The following BICD1 variants were observed in gnomAD, a reference collection of about 807,000 sequenced individuals.
BICD1 encodes BICD cargo adaptor 1.
Under a neutral mutation model 92.5 loss-of-function variants are expected in BICD1, and 35 were observed. The ratio of observed to expected loss-of-function variants is 0.38; its 90% confidence interval spans 0.29 to 0.50. The LOEUF (loss-of-function observed/expected upper bound fraction) is 0.50, where lower values mean the gene tolerates loss of function less well. Ranked by LOEUF, BICD1 falls within the 20% of genes least tolerant of loss-of-function variation. The pLI, the probability that BICD1 is intolerant of heterozygous loss-of-function variation, is 0.93. For synonymous variants in BICD1, 429 were observed against 465.1 expected (o/e 0.92, Z 1.00); for missense variants, 950 against 1,189.8 (o/e 0.80, Z 2.97).
chr12:32,373,551 G>A (rs1007255827), intron 9 of BICD1, among the ~76,000 whole-genome samples: 31 of 152,152 alleles, frequency 2.0e-4, no homozygotes, highest in Admixed American at 1.5e-3. Flanking sequence ...CAGCTGGTCA[G>A]GAAGAAATAT....
chr12:32,318,025 T>C (rs1210876752), intron 4 of BICD1, among the ~76,000 whole-genome samples: 2 of 151,976 alleles, frequency 1.3e-5, no homozygotes, highest in Middle Eastern at 3.2e-3. Flanking sequence ...TAGTTGTAGA[T>C]ATGCAGCATT....
intron 2 of BICD1, among the ~76,000 whole-genome samples, chr12:32,227,091 AGAGCC>A (rs1007165620): frequency 1.3e-5 from 2 of 152,174 alleles, no homozygotes; most frequent in African/African-American, 4.8e-5. Context: ...AGGTGGCTGG[AGAGCC>A]TCCTCCATGT....
chr12:32,225,191 G>A (rs1420100613), intron 2 of BICD1, among the ~76,000 whole-genome samples: 1 of 152,130 alleles, frequency 6.6e-6, no homozygotes, highest in Admixed American at 6.5e-5. Context: ...TTTCAGGAAT[G>A]TCATATAAGT....
intron 2 of BICD1, among the ~76,000 whole-genome samples, chr12:32,291,182 A>G (rs937859660): frequency 6.6e-6 from 1 of 152,228 alleles, no homozygotes; most frequent in African/African-American, 2.4e-5. Flanking sequence ...ACCATGTTCA[A>G]ATAGACAACT....
At chr12:32,245,479 G>C (rs1295021365) in intron 2 of BICD1, among the ~76,000 whole-genome samples, 1 of 152,210 alleles carries the variant, frequency 6.6e-6, no homozygotes, top group African/African-American at 2.4e-5. Flanking sequence ...AAAGCAAACA[G>C]TGTATTGAAT....
At chr12:32,373,070 T>C (rs1939800905) in intron 9 of BICD1, among the ~76,000 whole-genome samples, 1 of 152,168 alleles carries the variant, frequency 6.6e-6, no homozygotes, top group Non-Finnish European at 1.5e-5. Flanking sequence ...TTCTATCAAG[T>C]AGTTTTCTAC....
chr12:32,302,931 CTTTT>C (rs572736411), intron 3 of BICD1, among the ~76,000 whole-genome samples: 2 of 57,578 alleles, frequency 3.5e-5, no homozygotes, highest in Admixed American at 4.1e-4. Flanking sequence ...TAATGTATTT[CTTTT>C]TTTTTTTTTT....
chr12:32,306,103 T>TGAA lies in BICD1; in HGVS notation c.988_990dup (p.Lys330dup). The TGAA allele has an allele frequency of 6.2e-7, 1 of 1,602,752 alleles. No homozygotes were observed. Among genetic ancestry groups the TGAA allele is most frequent in the East Asian group, 2.2e-5 (1 of 44,824 alleles). On this transcript the variant is annotated inframe_insertion, in exon 4 of 10. Coordinates refer to ENST00000652176, the MANE Select transcript of BICD1 (RefSeq NM_001714.4). Reference sequence around the variant, plus strand: ...CTGAACATTTCAGAAATACAGAAGTTGAAGCAGCAGCTTATGCAGGTAAGA... The same window carrying TGAA: ...CTGAACATTTCAGAAATACAGAAGTTGAAGAAGCAGCAGCTTATGCAGGTAAGA...
At chr12:32,339,053 T>C in intron 8 of BICD1, 74 bp downstream of exon 8, 1 of 1,455,084 alleles carries the variant, frequency 6.9e-7, no homozygotes. Context: ...TTCCGGTCAC[T>C]CAGGCTCACC....
At chr12:32,161,275 T>C (rs1333172837) in intron 1 of BICD1, among the ~76,000 whole-genome samples, 1 of 152,158 alleles carries the variant, frequency 6.6e-6, no homozygotes, top group Non-Finnish European at 1.5e-5. Flanking sequence ...GAAAGGGAGC[T>C]GACACTAGAA....
chr12:32,252,105 ATAT>A lies in BICD1; in HGVS notation c.426+35650_426+35652del, dbSNP rs370183092. On this transcript the variant is annotated intron_variant, in intron 2 of 9. Coordinates refer to ENST00000652176, the MANE Select transcript of BICD1 (RefSeq NM_001714.4). ...ATTTATAAATATATATTTATAATAA[ATAT>A]TATATATTATATATTTATAATAAAT... 2.1e-4 allele frequency among the ~76,000 whole-genome samples: 18 copies of A among 83,884 alleles called. 3 individuals are homozygous for A. Among genetic ancestry groups the A allele is most frequent in the African/African-American group, 6.7e-4 (16 of 23,914 alleles). 55.0% of individuals were successfully genotyped at this position (83,884 alleles called of 152,430 possible). A position where few individuals can be genotyped will look rare whatever the true frequency, so the allele number is the denominator to read the frequency against.
chr12:32,295,625 T>C (rs1194183372), intron 3 of BICD1, among the ~76,000 whole-genome samples: 3 of 151,142 alleles, frequency 2.0e-5, no homozygotes, highest in Non-Finnish European at 4.4e-5. Context: ...AAGAGAAAAA[T>C]CCATGTAGTG....
At chr12:32,117,705 T>TACAC (rs1187433090) in intron 1 of BICD1, among the ~76,000 whole-genome samples, 31 of 86,090 alleles carry the variant, frequency 3.6e-4, no homozygotes, top group South Asian at 1.8e-3. Flanking sequence ...TATACACAAA[T>TACAC]ATATATACAC....
intron 8 of BICD1, among the ~76,000 whole-genome samples, chr12:32,344,935 T>C (rs1938511560): frequency 6.6e-6 from 1 of 152,138 alleles, no homozygotes; most frequent in African/African-American, 2.4e-5. Flanking sequence ...TTCTTCCCTG[T>C]AGGGGAAGGC....
chr12:32,282,199 C>CTTTTTT (rs1565639578), intron 2 of BICD1, among the ~76,000 whole-genome samples: 3 of 68,994 alleles, frequency 4.3e-5, no homozygotes, highest in Non-Finnish European at 2.8e-5. Context: ...TTCAGGTCTT[C>CTTTTTT]TTCTTTTTTT....
chr12:32,211,080 C>T (rs1007173381), intron 1 of BICD1, among the ~76,000 whole-genome samples: 13 of 152,258 alleles, frequency 8.5e-5, no homozygotes, highest in Admixed American at 7.8e-4. Context: ...GTGTTTTCTC[C>T]TTCACCCTCC....
chr12:32,291,911 A>G (rs1438260907), intron 2 of BICD1, among the ~76,000 whole-genome samples: 1 of 152,144 alleles, frequency 6.6e-6, no homozygotes, highest in East Asian at 1.9e-4. Context: ...AGTCAGGTAT[A>G]CTTCTAGAGC....
At chr12:32,314,669 T>A (rs950230275) in intron 4 of BICD1, among the ~76,000 whole-genome samples, 1 of 152,214 alleles carries the variant, frequency 6.6e-6, no homozygotes, top group Non-Finnish European at 1.5e-5. Context: ...AAATCCCTCA[T>A]CATAAAAGTG....
At chr12:32,159,318 A>G (rs1943532897) in intron 1 of BICD1, among the ~76,000 whole-genome samples, 1 of 152,198 alleles carries the variant, frequency 6.6e-6, no homozygotes, top group African/African-American at 2.4e-5. Context: ...TGGAGAGAGT[A>G]GGGGACACAG....
Sources: gnomAD v4.1 joint callset for allele counts (sites outside exome capture counted in the v4.1 genomes callset) on GRCh38, gnomAD v4.1.1 for gene constraint, MANE v1.5 for transcripts, NCBI Gene and HGNC (gene_info 2026-07-23, HGNC 2026-07-21) for gene names.